COL5A1: variants seen among roughly 807,000 people sequenced by gnomAD.
COL5A1 encodes collagen type V alpha 1 chain, also known as collagen alpha-1(V) chain.
Under a neutral mutation model 263.7 loss-of-function variants are expected in COL5A1, and 16 were observed. That is an observed-to-expected ratio of 0.06 (90% CI 0.04 to 0.09). COL5A1 has a LOEUF of 0.09. Ranked by LOEUF, COL5A1 falls within the 10% of genes least tolerant of loss-of-function variation. The pLI is 1.00. For missense variants in COL5A1, 2,036 were observed against 2,540.5 expected, an observed-to-expected ratio of 0.80 and a Z score of 4.27; for synonymous variants, 1,012 against 1,004.5, an observed-to-expected ratio of 1.01 and a Z score of -0.14.
intron 1 of COL5A1, among the ~76,000 whole-genome samples, chr9:134,663,791 T>A (rs1832278786): frequency 6.6e-6 from 1 of 152,210 alleles, no homozygotes; most frequent in South Asian, 2.1e-4. Context: ...GCATTCTCTT[T>A]CATTCACGAC....
In COL5A1 at chr9:134,824,654, C is replaced by T. The variant is rs546865410; in HGVS notation, c.4753C>T (p.Arg1585Trp). ...GCCAATCCAGGCATCCAGGACGCGG[C>T]GGAACATCGACGCCAGCCAGCTGCT... is the stretch of plus-strand genomic sequence containing the variant. ...PLPIQASRTR[R>W]NIDASQLLDD... The change falls in exon 62 of 66, where the codon CGG becomes TGG. Residue 1585 changes from arginine (R) to tryptophan (W), a missense_variant. This residue lies in a region of COL5A1 where 358 missense variants were observed against 384.6 expected (regional missense o/e 0.93). Coordinates refer to ENST00000371817, the MANE Select transcript of COL5A1 (RefSeq NM_000093.5). The T allele has an allele frequency of 4.6e-5, 74 of 1,614,180 alleles. No homozygotes were observed. Among genetic ancestry groups the T allele is most frequent in the South Asian group, 1.9e-4 (17 of 91,086 alleles).
chr9:134,780,697 C>T lies in COL5A1; in HGVS notation c.2430+551C>T, dbSNP rs957601677. On this transcript the variant is annotated intron_variant, in intron 28 of 65. Transcript: ENST00000371817. Reference sequence around the variant, plus strand: ...GGTGAAGACAAAGCTAAACTACACCCCCATGCATGCCTGCCAGAGTCAGAA... The same window carrying T: ...GGTGAAGACAAAGCTAAACTACACCTCCATGCATGCCTGCCAGAGTCAGAA... Among the ~76,000 whole-genome samples the T allele has an allele frequency of 6.6e-5, 10 of 152,356 alleles. No homozygotes were observed. The East Asian group carries it at 1.9e-3, about 29-fold the overall frequency.
At chr9:134,685,116 A>ATCCG (rs1832982269) in intron 1 of COL5A1, among the ~76,000 whole-genome samples, 1 of 80,158 alleles carries the variant, frequency 1.2e-5, no homozygotes, top group East Asian at 4.3e-4. Context: ...CCATCCATTC[A>ATCCG]TCCATCCATC....
At position 134,818,079 on chromosome 9, in the gene COL5A1, G is replaced by A. The variant is rs920903310; in HGVS notation, c.4230+248G>A. Among the ~76,000 whole-genome samples, 148 of 152,344 alleles carry A rather than the reference G, an allele frequency of 9.7e-4. 1 individual carries two copies. Among genetic ancestry groups the A allele is most frequent in the African/African-American group, 3.4e-3 (140 of 41,580 alleles). On this transcript the variant is annotated intron_variant, in intron 54 of 65. Transcript: ENST00000371817. The surrounding 1 kb of genome is among the most constrained non-coding windows in gnomAD (Gnocchi z 6.0). ...GAGGGAGGAGGCGGGTGGTGGGTGC[G>A]GGATTCAGGGAGCCCAAGGCTGAGT...
At chr9:134,753,765 T>TGCCCCCCCCCC in intron 14 of COL5A1, 85 bp from the exon 15 acceptor site, 1 of 485,444 alleles carries the variant, frequency 2.1e-6, no homozygotes. Context: ...CCCCTCCCCC[T>TGCCCCCCCCCC]GCCCCTCCCC....
rs1175189577 is a variant in COL5A1 at position 134,795,671 on chromosome 9, G to A, written c.2799+356G>A. Among the ~76,000 whole-genome samples, 20 of 152,198 alleles carry A rather than the reference G, an allele frequency of 1.3e-4. No individual in the cohort carries two copies. In the East Asian group the frequency reaches 3.9e-3, roughly 29 times the overall value. ...TTCCTCTCTTGAAAGGGGTTTGAGA[G>A]CTGCAGAGGCCTCTACCAGAACCTA... On this transcript the variant is annotated intron_variant, in intron 34 of 65. Coordinates refer to ENST00000371817, the MANE Select transcript of COL5A1 (RefSeq NM_000093.5).
At position 134,738,494 on chromosome 9, in the gene COL5A1, G is replaced by C. The variant is rs148389741; in HGVS notation, c.1410G>C (p.Pro470=). 1.9e-5 allele frequency: 31 copies of C among 1,613,882 alleles called. No individual in the cohort carries two copies. Among genetic ancestry groups the C allele is most frequent in the Middle Eastern group, 1.6e-4 (1 of 6,084 alleles). ...CCCAGGGCATGCTCATCGAGGGCCC[G>C]CCTGGCCCAGAAGGCCCCGCGGTGA... ...IIEPGMLIEG[P]PGPEGPAGLP... is the part of the protein sequence containing the mutation. The change falls in exon 10 of 66, where the codon CCG becomes CCC. Residue 470 remains proline, a synonymous_variant. Coordinates refer to ENST00000371817, the MANE Select transcript of COL5A1 (RefSeq NM_000093.5).
chr9:134,792,242 C>T (rs1437171803), intron 32 of COL5A1, among the ~76,000 whole-genome samples: 2 of 152,182 alleles, frequency 1.3e-5, no homozygotes, highest in Non-Finnish European at 2.9e-5. Context: ...AGGTTTTAGC[C>T]AGGGGGAATG....
rs115981051 is a variant in COL5A1 at position 134,667,636 on chromosome 9, A to G, written c.110-23276A>G. Among the ~76,000 whole-genome samples the G allele has an allele frequency of 8.0e-3, 1,212 of 152,344 alleles. 16 individuals are homozygous for G. The highest frequency in any genetic ancestry group is 0.027 in the African/African-American group (1,139 of 41,582). The stretch of plus-strand genomic sequence containing the variant: ...GCTTATCTCTTTCCACATCACAGGT[A>G]TCCTTGCAGTCTTCCTTTCTGGCTG... On this transcript the variant is annotated intron_variant, in intron 1 of 65. Transcript: ENST00000371817.
rs1187957686 is a variant in COL5A1, at chr9:134,841,132, G to C, written c.5371-1025G>C. On this transcript the variant is annotated intron_variant, in intron 65 of 65. Transcript: ENST00000371817. This position sits in a 1 kb window ranked among gnomAD's most constrained non-coding sequence, Gnocchi z 4.8. Reference sequence around the variant, plus strand: ...CTTGTTTATCTGATCATTTCTTTTGGGGATGGGGCAGTGGAAGGAGATCCT... The same window carrying C: ...CTTGTTTATCTGATCATTTCTTTTGCGGATGGGGCAGTGGAAGGAGATCCT... Among the ~76,000 whole-genome samples the C allele has an allele frequency of 6.6e-6, 1 of 152,180 alleles. No homozygotes were observed. Among genetic ancestry groups the C allele is most frequent in the Middle Eastern group, 3.2e-3 (1 of 316 alleles).
rs116156416 is a variant in COL5A1 at position 134,843,027 on chromosome 9, C to T, written c.*724C>T. On this transcript the variant is annotated 3_prime_UTR_variant, in exon 66 of 66. Transcript: ENST00000371817. The stretch of plus-strand genomic sequence containing the variant: ...CGTTCTGATTAGAAATAGGAAGTCT[C>T]CCCACCCCCGCCCTGGCCAAGAACG... 3,795 of 151,398 alleles carry T rather than the reference C, an allele frequency of 0.025. 85 individuals are homozygous for T. Among genetic ancestry groups the T allele is most frequent in the South Asian group, 0.12 (558 of 4,722 alleles). The allele number at this position is 151,398 out of a possible 1,614,324, so 9.4% of individuals were successfully genotyped here.
intron 9 of COL5A1, among the ~76,000 whole-genome samples, chr9:134,734,802 A>C (rs1047431606): frequency 2.0e-5 from 3 of 152,122 alleles, no homozygotes; most frequent in Non-Finnish European, 4.4e-5. Context: ...CACCATCTCC[A>C]CTTGACACTG....
intron 7 of COL5A1, among the ~76,000 whole-genome samples, chr9:134,731,163 C>T (rs1473670478): frequency 6.6e-6 from 1 of 152,202 alleles, no homozygotes; most frequent in Non-Finnish European, 1.5e-5. Flanking sequence ...CCAGCAGGTC[C>T]AGACCCCTGC....
At chr9:134,725,204 A>G (rs1834604602) in intron 4 of COL5A1, among the ~76,000 whole-genome samples, 1 of 152,102 alleles carries the variant, frequency 6.6e-6, no homozygotes, top group Non-Finnish European at 1.5e-5. Context: ...AGTGGTTGGC[A>G]TCTTGCAGGC....
intron 2 of COL5A1, 38 bp downstream of exon 2, chr9:134,691,117 C>A: frequency 6.2e-7 from 1 of 1,610,096 alleles, no homozygotes. Flanking sequence ...CGGTGGGTCC[C>A]GTTGGCCCTC....
chr9:134,816,930 C>A, intron 52 of COL5A1, 96 bp from the exon 53 acceptor site: 1 of 1,148,796 alleles, frequency 8.7e-7, no homozygotes, highest in Non-Finnish European at 1.3e-6. Flanking sequence ...GCAGGGCTGG[C>A]CGAGGAGTAA....
rs1833643476 is a variant in COL5A1, at chr9:134,700,770, C to T, written c.492-401C>T. On this transcript the variant is annotated intron_variant, in intron 3 of 65. Coordinates refer to ENST00000371817, the MANE Select transcript of COL5A1 (RefSeq NM_000093.5). This position sits in a 1 kb window ranked among gnomAD's most constrained non-coding sequence, Gnocchi z 4.0. ...AGGGCACGTGACAAGTGCTCGCATGCACACAGCAAAATACAACGGCCGCCG... is the reference window on the plus strand; with the variant it reads ...AGGGCACGTGACAAGTGCTCGCATGTACACAGCAAAATACAACGGCCGCCG... 6.6e-6 allele frequency among the ~76,000 whole-genome samples: 1 copy of T among 152,238 alleles called. No individual in the cohort carries two copies. The highest frequency in any genetic ancestry group is 1.5e-5 in the Non-Finnish European group (1 of 68,048).
At chr9:134,811,278 C>G in intron 44 of COL5A1, 61 bp from the exon 45 acceptor site, 1 of 1,500,816 alleles carries the variant, frequency 6.7e-7, no homozygotes, top group Non-Finnish European at 9.3e-7. Flanking sequence ...GCGGTCCACC[C>G]CTCCCTCAGC....
rs1836020910 is a variant in COL5A1 at position 134,757,430 on chromosome 9, TC to T, written c.1881+614del. Reference sequence around the variant, plus strand: ...CGGGGGGCAGGGGAGATACTGACCTTCCGTGAAGAGTGCACCTGGGGACAGC... The same window carrying T: ...CGGGGGGCAGGGGAGATACTGACCTTCGTGAAGAGTGCACCTGGGGACAGC... On this transcript the variant is annotated intron_variant, in intron 17 of 65. Transcript: ENST00000371817. The surrounding 1 kb of genome is among the most constrained non-coding windows in gnomAD (Gnocchi z 6.2). 6.6e-6 allele frequency among the ~76,000 whole-genome samples: 1 copy of T among 152,154 alleles called. No individual in the cohort carries two copies. The highest frequency in any genetic ancestry group is 1.5e-5 in the Non-Finnish European group (1 of 68,030).
Sources: allele counts gnomAD v4.1 joint callset (sites outside exome capture counted in the v4.1 genomes callset), GRCh38; gene constraint gnomAD v4.1.1; regional missense constraint gnomAD v4.1.1; non-coding constraint Gnocchi (gnomAD v3.1); transcripts MANE v1.5; gene names NCBI Gene and HGNC (gene_info 2026-07-23, HGNC 2026-07-21).